SOX5: variants seen among roughly 807,000 people sequenced by gnomAD.
SOX5 encodes SRY-box transcription factor 5.
SOX5 carries 9 observed loss-of-function variants against 92.0 expected under a neutral mutation model. The ratio of observed to expected loss-of-function variants is 0.10; its 90% CI spans 0.06 to 0.17. The LOEUF (loss-of-function observed/expected upper bound fraction) is 0.17. Among genes scored for constraint, SOX5 ranks in the 10% least tolerant of loss-of-function variants. SOX5 has a pLI of 1.00. For missense variants in SOX5, 642 were observed against 944.5 expected, an observed-to-expected ratio of 0.68 and a Z score of 4.20; for synonymous variants, 344 against 336.3, an observed-to-expected ratio of 1.02 and a Z score of -0.25.
In SOX5 at chr12:24,133,855, AT is replaced by A. The variant is rs1341774064; in HGVS notation, c.-2+79487del. Among the ~76,000 whole-genome samples, 17 of 152,302 alleles carry A rather than the reference AT, an allele frequency of 1.1e-4. No individual in the cohort carries two copies. In the East Asian group the frequency reaches 3.1e-3, roughly 28 times the overall value. On this transcript the variant is annotated intron_variant, in intron 4 of 4. Coordinates refer to the SOX5 transcript ENST00000446891. ...CCAGAGAAATGCAAATAGGGATATA[AT>A]GATTAGAATCACATTCTGATATATA...
At chr12:24,158,733 G>A (rs1952451897) in intron 4 of SOX5, among the ~76,000 whole-genome samples, 1 of 151,788 alleles carries the variant, frequency 6.6e-6, no homozygotes, top group African/African-American at 2.4e-5. Flanking sequence ...TCCTCTGAAG[G>A]CCTATGTGAT....
intron 1 of SOX5, among the ~76,000 whole-genome samples, chr12:24,558,857 A>G (rs1038676987): frequency 2.6e-5 from 4 of 152,214 alleles, no homozygotes; most frequent in Admixed American, 1.3e-4. Flanking sequence ...GAATAACCAG[A>G]CTGATCATAA....
At chr12:23,952,708 T>C (rs1945811339), upstream of SOX5, among the ~76,000 whole-genome samples, 1 of 152,178 alleles carries the variant, frequency 6.6e-6, no homozygotes, top group South Asian at 2.1e-4. Flanking sequence ...ATCATCCTAA[T>C]AATGATAATT....
At chr12:23,734,564 G>C (rs760863516) in intron 6 of SOX5, 120 bp downstream of exon 6, 14 of 719,496 alleles carry the variant, frequency 1.9e-5, no homozygotes, top group Admixed American at 5.0e-5. Context: ...GAGGTGCTAT[G>C]TCATGAATTA....
At chr12:23,640,963 T>G (rs1206462683) in intron 7 of SOX5, 66 bp from the exon 8 acceptor site, 1 of 1,064,514 alleles carries the variant, frequency 9.4e-7, no homozygotes, top group Non-Finnish European at 1.4e-6. Flanking sequence ...ATTAAACTCA[T>G]GCATTCACTC....
At chr12:24,319,977 T>C (rs1950057247) in intron 2 of SOX5, among the ~76,000 whole-genome samples, 1 of 152,240 alleles carries the variant, frequency 6.6e-6, no homozygotes, top group African/African-American at 2.4e-5. Context: ...GCTTATGTTA[T>C]CACTCATGTC....
chr12:24,376,400 T>C (rs772920170), intron 1 of SOX5, among the ~76,000 whole-genome samples: 2 of 152,164 alleles, frequency 1.3e-5, no homozygotes, highest in Non-Finnish European at 2.9e-5. Flanking sequence ...ACCTCTAAAG[T>C]TCCATCCTGC....
At chr12:23,586,782 C>G (rs532676254) in intron 9 of SOX5, among the ~76,000 whole-genome samples, 77 of 151,806 alleles carry the variant, frequency 5.1e-4, no homozygotes, top group Non-Finnish European at 2.7e-4. Context: ...TATTTCCCCT[C>G]CTCAACATAT....
upstream of SOX5, chr12:23,950,953 A>C: frequency 2.3e-6 from 3 of 1,286,998 alleles, no homozygotes; most frequent in South Asian, 3.8e-5. Context: ...AACAGGAGAT[A>C]GTGTGCATTC....
intron 1 of SOX5, among the ~76,000 whole-genome samples, chr12:23,928,778 C>G (rs942968421): frequency 6.6e-6 from 1 of 151,638 alleles, no homozygotes; most frequent in Non-Finnish European, 1.5e-5. Context: ...CTTTAAGCAT[C>G]TAAGGTCTTA....
chr12:24,245,497 C>T (rs1318138876), intron 3 of SOX5, among the ~76,000 whole-genome samples: 1 of 152,132 alleles, frequency 6.6e-6, no homozygotes, highest in Non-Finnish European at 1.5e-5. Flanking sequence ...ATTTGATCTG[C>T]CTATAACTTG....
chr12:23,986,978 ACTTT>A (rs893075827), intron 4 of SOX5, among the ~76,000 whole-genome samples: 4 of 152,276 alleles, frequency 2.6e-5, no homozygotes, highest in Middle Eastern at 3.4e-3. Context: ...AAGAATATTT[ACTTT>A]CTTCTCTCAA....
chr12:23,733,345 C>T (rs1361246649), intron 6 of SOX5, among the ~76,000 whole-genome samples: 1 of 152,090 alleles, frequency 6.6e-6, no homozygotes, highest in Non-Finnish European at 1.5e-5. Flanking sequence ...ATGCAGATAA[C>T]CAGGTACCAT....
chr12:24,268,942 A>G (rs1030681496), intron 3 of SOX5, among the ~76,000 whole-genome samples: 1 of 152,214 alleles, frequency 6.6e-6, no homozygotes, highest in Admixed American at 6.5e-5. Flanking sequence ...AAAATGTAAC[A>G]GTGTGCTATT....
chr12:23,950,976 TGCACAC>T, upstream of SOX5: 1 of 767,878 alleles, frequency 1.3e-6, no homozygotes, highest in Non-Finnish European at 2.1e-6. Context: ...CACACACGCA[TGCACAC>T]ACACACACAC....
chr12:24,033,763 A>G (rs12823922), intron 4 of SOX5, among the ~76,000 whole-genome samples: 25,805 of 152,030 alleles, frequency 0.17, 2,348 homozygotes, highest in Non-Finnish European at 0.21. Flanking sequence ...AAAATATTTA[A>G]TCACAAGGGT....
chr12:24,492,482 G>GT (rs1333654926), intron 1 of SOX5, among the ~76,000 whole-genome samples: 2 of 152,142 alleles, frequency 1.3e-5, no homozygotes, highest in African/African-American at 4.8e-5. Flanking sequence ...GGAGGGTAAG[G>GT]TTCTAGACAA....
chr12:24,284,962 T>TA (rs1945678722), intron 2 of SOX5, among the ~76,000 whole-genome samples: 1 of 152,034 alleles, frequency 6.6e-6, no homozygotes, highest in Admixed American at 6.6e-5. Flanking sequence ...CCATCTCTTC[T>TA]AAAAATACAA....
intron 2 of SOX5, among the ~76,000 whole-genome samples, chr12:23,889,433 T>C (rs754453233): frequency 1.3e-4 from 20 of 152,344 alleles, no homozygotes; most frequent in African/African-American, 2.9e-4. Context: ...TAGTCAAACA[T>C]TGAAAACACA....
Sources: allele counts gnomAD v4.1 joint callset (sites outside exome capture counted in the v4.1 genomes callset), GRCh38; gene constraint gnomAD v4.1.1; transcripts MANE v1.5; gene names NCBI Gene and HGNC (gene_info 2026-07-23, HGNC 2026-07-21).